Variants in RNF180 observed in about 807,000 individuals in gnomAD.
The protein encoded by RNF180 is E3 ubiquitin-protein ligase RNF180.
RNF180 carries 38 observed loss-of-function variants against 59.2 expected under a neutral mutation model. The ratio of observed to expected loss-of-function variants is 0.64; its 90% CI spans 0.50 to 0.84. RNF180 has a LOEUF of 0.84. Among genes scored for constraint, RNF180 ranks in the 40% least tolerant of loss-of-function variants. The probability of loss-of-function intolerance (pLI) is 0.00; values close to 1 mark genes in which losing one functional copy is unlikely to be tolerated. For missense variants in RNF180, 705 were observed against 700.9 expected, an observed-to-expected ratio of 1.01 and a Z score of -0.07; for synonymous variants, 262 against 240.3, an observed-to-expected ratio of 1.09 and a Z score of -0.84.
intron 7 of RNF180, among the ~76,000 whole-genome samples, chr5:64,341,642 C>T (rs552458986): frequency 1.2e-4 from 18 of 152,068 alleles, no homozygotes; most frequent in African/African-American, 2.4e-4. Flanking sequence ...TCCATTTCTG[C>T]GAGACCTCAT....
At chr5:64,266,374 A>C (rs562805005) in intron 5 of RNF180, among the ~76,000 whole-genome samples, 1 of 151,186 alleles carries the variant, frequency 6.6e-6, no homozygotes, top group Non-Finnish European at 1.5e-5. Flanking sequence ...TAAATATCGA[A>C]TTCATTTATT....
intron 5 of RNF180, among the ~76,000 whole-genome samples, chr5:64,251,278 T>C (rs769369604): frequency 2.6e-5 from 4 of 152,174 alleles, no homozygotes; most frequent in Non-Finnish European, 4.4e-5. Flanking sequence ...GCTCTAAGAT[T>C]TGCAACAAGA....
intron 4 of RNF180, among the ~76,000 whole-genome samples, chr5:64,216,779 G>A (rs955992221): frequency 7.9e-5 from 12 of 152,148 alleles, no homozygotes; most frequent in Admixed American, 5.9e-4. Context: ...ACGTAGCACT[G>A]AGCCACATTT....
chr5:64,279,706 CTATT>C (rs1426874737), intron 5 of RNF180, among the ~76,000 whole-genome samples: 1 of 152,048 alleles, frequency 6.6e-6, no homozygotes, highest in East Asian at 1.9e-4. Context: ...ACATTTTAGA[CTATT>C]TAGAGTTATC....
chr5:64,197,769 A>G (rs1751532458), intron 1 of RNF180, among the ~76,000 whole-genome samples: 2 of 152,032 alleles, frequency 1.3e-5, no homozygotes, highest in Admixed American at 6.6e-5. Context: ...GTGGCACATT[A>G]TTTTTTACTT....
chr5:64,203,539 A>G (rs972256834), intron 2 of RNF180, among the ~76,000 whole-genome samples: 1 of 152,194 alleles, frequency 6.6e-6, no homozygotes, highest in Non-Finnish European at 1.5e-5. Flanking sequence ...TATGTAAAAT[A>G]AAATGTATAA....
At chr5:64,223,362 C>T (rs948033195) in intron 5 of RNF180, among the ~76,000 whole-genome samples, 5 of 152,190 alleles carry the variant, frequency 3.3e-5, no homozygotes, top group Admixed American at 2.0e-4. Context: ...GCAAAGTCCC[C>T]TTTCCCATGT....
chr5:64,250,466 A>G (rs1005942203), intron 5 of RNF180, among the ~76,000 whole-genome samples: 1 of 152,180 alleles, frequency 6.6e-6, no homozygotes, highest in Non-Finnish European at 1.5e-5. Context: ...GAAAAGATCA[A>G]CAATACCAAA....
At chr5:64,250,498 G>C (rs1364206383) in intron 5 of RNF180, among the ~76,000 whole-genome samples, 1 of 151,620 alleles carries the variant, frequency 6.6e-6, no homozygotes, top group Non-Finnish European at 1.5e-5. Context: ...TTTTTAAAGA[G>C]AAAATCAACA....
At chr5:64,327,896 ATCTC>A (rs1173350604) in intron 6 of RNF180, among the ~76,000 whole-genome samples, 1 of 152,198 alleles carries the variant, frequency 6.6e-6, no homozygotes, top group Non-Finnish European at 1.5e-5. Flanking sequence ...ATTGAGATCT[ATCTC>A]TCTCTCTTTA....
At chr5:64,268,603 G>A (rs546172534) in intron 5 of RNF180, among the ~76,000 whole-genome samples, 1 of 152,198 alleles carries the variant, frequency 6.6e-6, no homozygotes, top group South Asian at 2.1e-4. Flanking sequence ...ACATGGAGGA[G>A]GAGAACATAC....
At chr5:64,369,026 C>A (rs1378240080) in intron 7 of RNF180, among the ~76,000 whole-genome samples, 1 of 152,004 alleles carries the variant, frequency 6.6e-6, no homozygotes, top group South Asian at 2.1e-4. Flanking sequence ...TTTATTGCGG[C>A]ACTATTCACA....
intron 5 of RNF180, among the ~76,000 whole-genome samples, chr5:64,243,790 GA>G (rs1215084121): frequency 2.6e-5 from 4 of 152,182 alleles, no homozygotes; most frequent in African/African-American, 9.7e-5. Context: ...CGAGTCTCCT[GA>G]CTGGGACACA....
intron 5 of RNF180, among the ~76,000 whole-genome samples, chr5:64,313,930 C>T (rs998841234): frequency 6.6e-6 from 1 of 151,986 alleles, no homozygotes; most frequent in Non-Finnish European, 1.5e-5. Context: ...TTTTCAAATG[C>T]TTTTTGGCCA....
intron 5 of RNF180, among the ~76,000 whole-genome samples, chr5:64,223,152 C>G (rs1053649708): frequency 3.9e-5 from 6 of 152,140 alleles, no homozygotes; most frequent in Non-Finnish European, 8.8e-5. Context: ...GAATCTGTTC[C>G]TTTCTTTTTC....
chr5:64,367,787 TAGTG>T (rs1237166048), intron 7 of RNF180, among the ~76,000 whole-genome samples: 2 of 151,682 alleles, frequency 1.3e-5, no homozygotes, highest in Non-Finnish European at 3.0e-5. Context: ...CCATAGTTGC[TAGTG>T]AGTACCAGAA....
chr5:64,225,606 C>G lies in RNF180; in HGVS notation c.1227+8210C>G, dbSNP rs373507714. ...GAGCGCCTCTGCCTAGCCGCCCTGT[C>G]TGGGAGGTGAGGAGCGTCTCTGCCC... On this transcript the variant is annotated intron_variant, in intron 5 of 7. Coordinates refer to ENST00000389100, the MANE Select transcript of RNF180 (RefSeq NM_001113561.2). 2.3e-4 allele frequency among the ~76,000 whole-genome samples: 32 copies of G among 136,310 alleles called. No homozygotes were observed. The East Asian group carries it at 7.2e-3, about 31-fold the overall frequency. The allele number at this position is 136,310 out of a possible 152,430, so 89.4% of individuals were successfully genotyped here. A position where few individuals can be genotyped will look rare whatever the true frequency, so the allele number is the denominator to read the frequency against.
chr5:64,251,511 C>A (rs560660475), intron 5 of RNF180, among the ~76,000 whole-genome samples: 29 of 152,278 alleles, frequency 1.9e-4, no homozygotes, highest in African/African-American at 7.0e-4. Flanking sequence ...CAGCCTGAAA[C>A]TCCTGGGCTC....
intron 5 of RNF180, among the ~76,000 whole-genome samples, chr5:64,241,339 C>A (rs1174956507): frequency 6.6e-6 from 1 of 152,186 alleles, no homozygotes; most frequent in Non-Finnish European, 1.5e-5. Flanking sequence ...AAGCAGACAT[C>A]TGCTGGGGTC....
Sources: allele counts gnomAD v4.1 joint callset (sites outside exome capture counted in the v4.1 genomes callset), GRCh38; gene constraint gnomAD v4.1.1; transcripts MANE v1.5; gene names NCBI Gene and HGNC (gene_info 2026-07-23, HGNC 2026-07-21).